The following ERC2 variants were observed in gnomAD, a reference collection of about 807,000 sequenced individuals.
ERC2 encodes ELKS/RAB6-interacting/CAST family member 2.
In ERC2, 42 loss-of-function variants were observed where a neutral mutation model predicts 114.8. That is an observed-to-expected ratio of 0.37 (90% CI 0.29 to 0.47). The LOEUF is 0.47. ERC2 is among the 20% of genes least tolerant of loss of function. The pLI is 0.99. For synonymous variants in ERC2, 454 were observed against 425.5 expected, an observed-to-expected ratio of 1.07 and a Z score of -0.82; for missense variants, 939 against 1,150.7, an observed-to-expected ratio of 0.82 and a Z score of 2.66.
Position 56,057,619 on chromosome 3 carries a change from C to G in ERC2, c.1641+23198G>C, listed in dbSNP as rs113228679. On this transcript the variant is annotated intron_variant, in intron 7 of 17. Coordinates refer to ENST00000288221, the MANE Select transcript of ERC2 (RefSeq NM_015576.3). Reference sequence around the variant, plus strand: ...CTGTTAAACTGGAATCCAAACAGTACCTACCTCACTGACATGTGGGTGTTG... The same window carrying G: ...CTGTTAAACTGGAATCCAAACAGTAGCTACCTCACTGACATGTGGGTGTTG... 8.1e-4 allele frequency among the ~76,000 whole-genome samples: 123 copies of G among 152,292 alleles called. 1 individual carries two copies. The highest frequency in any genetic ancestry group is 2.9e-3 in the African/African-American group (121 of 41,556).
chr3:55,560,728 C>T (rs1379086686), intron 17 of ERC2, among the ~76,000 whole-genome samples: 1 of 152,188 alleles, frequency 6.6e-6, no homozygotes, highest in Non-Finnish European at 1.5e-5. Flanking sequence ...TTTAAGCCAC[C>T]AAGTTTTGGG....
chr3:55,575,944 CAGAG>C (rs2056957135), intron 17 of ERC2, among the ~76,000 whole-genome samples: 1 of 152,196 alleles, frequency 6.6e-6, no homozygotes, highest in Non-Finnish European at 1.5e-5. Flanking sequence ...AACTGAAACT[CAGAG>C]AGGCTGCTCA....
intron 2 of ERC2, among the ~76,000 whole-genome samples, chr3:56,395,751 AC>A (rs1259404871): frequency 2.6e-5 from 4 of 152,180 alleles, no homozygotes; most frequent in Non-Finnish European, 1.5e-5. Context: ...TTTATAAATT[AC>A]CCAGTCTCAG....
At chr3:55,959,267 C>G (rs1017531796) in intron 12 of ERC2, among the ~76,000 whole-genome samples, 5 of 152,184 alleles carry the variant, frequency 3.3e-5, no homozygotes, top group African/African-American at 1.2e-4. Context: ...GGCGGAGGTT[C>G]TGAAGGGCTG....
At chr3:56,319,740 G>A (rs766338577) in intron 2 of ERC2, among the ~76,000 whole-genome samples, 17 of 152,230 alleles carry the variant, frequency 1.1e-4, no homozygotes, top group Middle Eastern at 3.4e-3. Flanking sequence ...AGAGGCCCAG[G>A]AAAGAGGAAC....
chr3:56,079,883 G>A (rs370974859), intron 7 of ERC2, among the ~76,000 whole-genome samples: 12 of 152,224 alleles, frequency 7.9e-5, no homozygotes, highest in African/African-American at 2.2e-4. Context: ...GTAGATCAAC[G>A]CCAGGTGAGA....
chr3:55,903,147 A>C (rs1438288351), intron 13 of ERC2, among the ~76,000 whole-genome samples: 1 of 152,216 alleles, frequency 6.6e-6, no homozygotes, highest in African/African-American at 2.4e-5. Flanking sequence ...TACCTGTATC[A>C]TGCTTTGGAA....
At chr3:55,539,415 C>CTTTTTTTTTTTTT (rs58749389) in intron 17 of ERC2, among the ~76,000 whole-genome samples, 482 of 39,130 alleles carry the variant, frequency 0.012, 29 homozygotes, top group African/African-American at 0.014. Context: ...TTTTTTCTTT[C>CTTTTTTTTTTTTT]TTTTTTTTTT....
At chr3:55,537,453 G>A (rs2054074045) in intron 17 of ERC2, among the ~76,000 whole-genome samples, 1 of 152,222 alleles carries the variant, frequency 6.6e-6, no homozygotes, top group Non-Finnish European at 1.5e-5. Flanking sequence ...AAGGTCAGTT[G>A]AGTAAATGTT....
rs1560571329 is a variant in ERC2 at position 56,311,272 on chromosome 3, TATATATATATATATATATAC to T, written c.658-14857_658-14838del. On this transcript the variant is annotated intron_variant, in intron 2 of 17. Transcript: ENST00000288221. ...CTCTCTCTCTATATATATATATATA[TATATATATATATATATATAC>T]ACACATATATATAATTTTTTTTTTT... 1.1e-3 allele frequency among the ~76,000 whole-genome samples: 133 copies of T among 119,588 alleles called. 2 individuals are homozygous for T. Among genetic ancestry groups the T allele is most frequent in the African/African-American group, 3.7e-3 (123 of 33,536 alleles). 78.5% of individuals were successfully genotyped at this position (119,588 alleles called of 152,430 possible). A position where few individuals can be genotyped will look rare whatever the true frequency, so the allele number is the denominator to read the frequency against.
chr3:55,927,429 G>A (rs1319762435), intron 13 of ERC2, among the ~76,000 whole-genome samples: 1 of 152,010 alleles, frequency 6.6e-6, no homozygotes, highest in African/African-American at 2.4e-5. Flanking sequence ...TTATGGCAGG[G>A]GGTGTTTGTA....
intron 7 of ERC2, among the ~76,000 whole-genome samples, chr3:56,061,083 TCTC>T (rs1411519922): frequency 6.6e-6 from 1 of 152,138 alleles, no homozygotes; most frequent in Non-Finnish European, 1.5e-5. Context: ...GCTACTGACA[TCTC>T]CTATATTCCT....
intron 3 of ERC2, among the ~76,000 whole-genome samples, chr3:56,204,760 C>A (rs1022761000): frequency 2.0e-5 from 3 of 152,034 alleles, no homozygotes; most frequent in Admixed American, 1.3e-4. Context: ...CTCAGCCTCC[C>A]AAAGTGCTGG....
chr3:55,706,448 G>A (rs1003688844), intron 15 of ERC2, among the ~76,000 whole-genome samples: 2 of 152,102 alleles, frequency 1.3e-5, no homozygotes. Flanking sequence ...CCAGGCTGGA[G>A]TGCAGTGGTG....
Position 55,924,176 on chromosome 3 carries a change from T to C in ERC2, c.2403+26249A>G, listed in dbSNP as rs748339815. 2.0e-5 allele frequency among the ~76,000 whole-genome samples: 3 copies of C among 152,144 alleles called. No individual in the cohort carries two copies. In the East Asian group the frequency reaches 5.8e-4, roughly 29 times the overall value. On this transcript the variant is annotated intron_variant, in intron 13 of 17. Transcript: ENST00000288221. ...GGTAGAGATTCTAGTACATATAATATACTGGTAGAATTAAAGCTGTCCTTA... is the reference window on the plus strand; with the variant it reads ...GGTAGAGATTCTAGTACATATAATACACTGGTAGAATTAAAGCTGTCCTTA...
intron 2 of ERC2, among the ~76,000 whole-genome samples, chr3:56,316,289 A>C (rs1330133313): frequency 6.6e-6 from 1 of 152,242 alleles, no homozygotes; most frequent in East Asian, 1.9e-4. Flanking sequence ...AAAGAATTGC[A>C]GGCTTTATGG....
intron 3 of ERC2, among the ~76,000 whole-genome samples, chr3:56,294,204 T>C (rs1342594287): frequency 6.6e-6 from 1 of 152,232 alleles, no homozygotes; most frequent in African/African-American, 2.4e-5. Flanking sequence ...GAAAATTACT[T>C]TCTGCTCTAC....
intron 7 of ERC2, among the ~76,000 whole-genome samples, chr3:56,055,302 AG>A (rs750971968): frequency 2.0e-5 from 3 of 152,202 alleles, no homozygotes; most frequent in Non-Finnish European, 4.4e-5. Context: ...GACTTAGGGG[AG>A]AAAAGACAGT....
intron 14 of ERC2, among the ~76,000 whole-genome samples, chr3:55,831,528 C>T (rs1276133310): frequency 6.6e-6 from 1 of 151,792 alleles, no homozygotes; most frequent in Non-Finnish European, 1.5e-5. Flanking sequence ...TTAAAGGAGG[C>T]AGGGGAAAAC....
Sources: allele counts gnomAD v4.1 joint callset (sites outside exome capture counted in the v4.1 genomes callset), GRCh38; gene constraint gnomAD v4.1.1; transcripts MANE v1.5; gene names NCBI Gene and HGNC (gene_info 2026-07-23, HGNC 2026-07-21).